The following RIMKLB variants were observed in gnomAD, a reference collection of about 807,000 sequenced individuals.
RIMKLB encodes ribosomal modification protein rimK like family member B.
RIMKLB carries 7 observed loss-of-function variants against 32.0 expected under a neutral mutation model. The observed-to-expected ratio is 0.22, with a 90% CI of 0.12 to 0.41. The LOEUF (loss-of-function observed/expected upper bound fraction) is 0.41. Among genes scored for constraint, RIMKLB ranks in the 10% least tolerant of loss-of-function variants. The probability of loss-of-function intolerance (pLI) is 1.00; values close to 1 mark genes in which losing one functional copy is unlikely to be tolerated. For synonymous variants in RIMKLB, 172 were observed against 185.1 expected (o/e 0.93, Z 0.57); for missense variants, 289 against 498.7 (o/e 0.58, Z 4.00).
chr12:8,774,685 C>G lies in RIMKLB; in HGVS notation c.*901C>G, dbSNP rs1411451282. On this transcript the variant is annotated 3_prime_UTR_variant, in exon 6 of 6. Coordinates refer to ENST00000535829, the MANE Select transcript of RIMKLB (RefSeq NM_001297776.2). ...ACCTTTTTTGTTAACAAGACACTGA[C>G]TTGAAACATGTACATTTAAAGCCTT... 5.1e-6 allele frequency: 5 copies of G among 984,900 alleles called. No homozygotes were observed. The African/African-American group carries it at 8.8e-5, about 17-fold the overall frequency. The allele number at this position is 984,900 out of a possible 1,614,324, so 61.0% of individuals were successfully genotyped here.
In RIMKLB at chr12:8,698,063, T is replaced by G. The variant is rs927177736; in HGVS notation, c.-291T>G. The G allele has an allele frequency of 1.2e-5, 3 of 250,524 alleles. No individual in the cohort carries two copies. The highest frequency in any genetic ancestry group is 2.4e-5 in the Non-Finnish European group (3 of 122,650). The allele number at this position is 250,524 out of a possible 1,614,324, so 15.5% of individuals were successfully genotyped here. ...GGAGTGAGAGTGTGTGGGAGTGGGGTGAGGGAGAAGCTGACGGGACGCGAG... is the reference window on the plus strand; with the variant it reads ...GGAGTGAGAGTGTGTGGGAGTGGGGGGAGGGAGAAGCTGACGGGACGCGAG... On this transcript the variant is annotated 5_prime_UTR_variant, in exon 1 of 6. Transcript: ENST00000535829.
At chr12:8,704,471 A>G (rs183659570) in intron 1 of RIMKLB, among the ~76,000 whole-genome samples, 1 of 152,230 alleles carries the variant, frequency 6.6e-6, no homozygotes, top group Non-Finnish European at 1.5e-5. Flanking sequence ...CATGTTTTCA[A>G]TCATGACTTA....
chr12:8,769,458 C>G (rs753652115), intron 5 of RIMKLB, among the ~76,000 whole-genome samples: 3 of 152,030 alleles, frequency 2.0e-5, no homozygotes, highest in Admixed American at 1.3e-4. Context: ...TTATTCAAAT[C>G]GGACTAGTTT....
chr12:8,752,290 C>T (rs1484748757), intron 4 of RIMKLB, among the ~76,000 whole-genome samples: 2 of 152,112 alleles, frequency 1.3e-5, no homozygotes, highest in Admixed American at 6.6e-5. Context: ...ATGTAAAGAC[C>T]GCCCGTAATC....
intron 5 of RIMKLB, among the ~76,000 whole-genome samples, chr12:8,770,920 A>G (rs12309618): frequency 0.067 from 10,176 of 152,108 alleles, 1,111 homozygotes; most frequent in African/African-American, 0.22. Context: ...TGCTACAGCA[A>G]CTCACAGAAC....
chr12:8,777,814 C>G, downstream of RIMKLB: 9 of 525,872 alleles, frequency 1.7e-5, no homozygotes, highest in Non-Finnish European at 2.3e-5. Context: ...TAATTTAACT[C>G]TTTCTCCTTT....
At chr12:8,770,884 G>C (rs192006013) in intron 5 of RIMKLB, among the ~76,000 whole-genome samples, 1 of 152,128 alleles carries the variant, frequency 6.6e-6, no homozygotes, top group African/African-American at 2.4e-5. Flanking sequence ...GGGTTCCCGT[G>C]ACTTTCTGCT....
chr12:8,707,656 C>T (rs1243040191), intron 1 of RIMKLB, among the ~76,000 whole-genome samples: 1 of 152,166 alleles, frequency 6.6e-6, no homozygotes. Context: ...CTAATCATGC[C>T]TTGGTCTTTC....
At chr12:8,781,066 T>C (rs1484198710), downstream of RIMKLB, among the ~76,000 whole-genome samples, 1 of 152,238 alleles carries the variant, frequency 6.6e-6, no homozygotes, top group Non-Finnish European at 1.5e-5. Flanking sequence ...TCTGGCCACG[T>C]ACTGTGGCTC....
At chr12:8,782,671 T>C (rs541921947) in intron 7 of RIMKLB, among the ~76,000 whole-genome samples, 4 of 152,210 alleles carry the variant, frequency 2.6e-5, no homozygotes, top group Non-Finnish European at 5.9e-5. Context: ...TTAGCTTTTA[T>C]TTTTTAATGA....
chr12:8,713,831 G>T lies in RIMKLB; in HGVS notation c.-36G>T, dbSNP rs1333777467. 1 of 1,611,722 alleles carries T rather than the reference G, an allele frequency of 6.2e-7. No homozygotes were observed. The highest frequency in any genetic ancestry group is 1.7e-5 in the Admixed American group (1 of 59,976). On this transcript the variant is annotated 5_prime_UTR_variant, in exon 2 of 6. Coordinates refer to ENST00000535829, the MANE Select transcript of RIMKLB (RefSeq NM_001297776.2). ...TCTAGGTAGACGTTACATCCAAGAG[G>T]AAATAATCCAGGCAAGGAAGCACAA...
At chr12:8,777,845 T>G (rs917655140), downstream of RIMKLB, 1 of 342,448 alleles carries the variant, frequency 2.9e-6, no homozygotes, top group African/African-American at 2.2e-5. Context: ...CTAGGCTAAC[T>G]TTCTTTTTTT....
upstream of RIMKLB, among the ~76,000 whole-genome samples, chr12:8,695,553 A>G (rs1223880069): frequency 1.4e-5 from 2 of 147,628 alleles, no homozygotes; most frequent in Non-Finnish European, 3.0e-5. Context: ...AATGTGTTTA[A>G]GCCTTATCAT....
chr12:8,711,609 G>A (rs1047512184), intron 1 of RIMKLB, among the ~76,000 whole-genome samples: 10 of 151,978 alleles, frequency 6.6e-5, no homozygotes, highest in African/African-American at 2.2e-4. Flanking sequence ...ATGCTGGTGC[G>A]CTGCACCCAC....
chr12:8,684,000 G>A (rs750965265), intron 1 of RIMKLB, among the ~76,000 whole-genome samples: 176 of 151,954 alleles, frequency 1.2e-3, no homozygotes, highest in African/African-American at 3.9e-3. Context: ...CACCCCCCTC[G>A]GCTTCCCAAA....
At chr12:8,770,522 T>C (rs956746589) in intron 5 of RIMKLB, among the ~76,000 whole-genome samples, 2 of 152,208 alleles carry the variant, frequency 1.3e-5, no homozygotes, top group Admixed American at 1.3e-4. Flanking sequence ...CTCATATTCA[T>C]CTTCCCATAT....
intron 2 of RIMKLB, among the ~76,000 whole-genome samples, chr12:8,721,584 T>C (rs560443700): frequency 7.8e-4 from 119 of 152,332 alleles, no homozygotes; most frequent in Admixed American, 1.4e-3. Flanking sequence ...GGCTACACTC[T>C]CAATTATAGC....
intron 1 of RIMKLB, among the ~76,000 whole-genome samples, chr12:8,704,397 T>C (rs1943668320): frequency 6.7e-6 from 1 of 149,806 alleles, no homozygotes; most frequent in Non-Finnish European, 1.5e-5. Flanking sequence ...AAAAAAAAAA[T>C]TGATTTGGTA....
At chr12:8,707,139 C>T (rs1027916502) in intron 1 of RIMKLB, among the ~76,000 whole-genome samples, 18 of 152,210 alleles carry the variant, frequency 1.2e-4, no homozygotes, top group African/African-American at 4.3e-4. Flanking sequence ...TCCTCACCAA[C>T]AGTCATTTCT....
Sources: gnomAD v4.1 joint callset for allele counts (sites outside exome capture counted in the v4.1 genomes callset) on GRCh38, gnomAD v4.1.1 for gene constraint, MANE v1.5 for transcripts, NCBI Gene and HGNC (gene_info 2026-07-23, HGNC 2026-07-21) for gene names.